Variants in FSHR observed in about 807,000 individuals in gnomAD.
FSHR encodes the protein follicle stimulating hormone receptor.
In FSHR, 46 loss-of-function variants were observed where a neutral mutation model predicts 52.1. The observed-to-expected ratio is 0.88, with a 90% CI of 0.70 to 1.13. FSHR has a LOEUF of 1.13. Ranked by LOEUF, FSHR falls within the 50% of genes most tolerant of loss-of-function variation. The pLI is 0.00. For missense variants in FSHR, 964 were observed against 834.6 expected (o/e 1.16, Z -1.91); for synonymous variants, 399 against 309.6 (o/e 1.29, Z -3.03).
chr2:49,014,732 T>C (rs1667418708), intron 4 of FSHR: 2 of 225,888 alleles, frequency 8.9e-6, no homozygotes, highest in East Asian at 1.4e-4. Context: ...ATGCTATTAT[T>C]ATCATGGGCT....
intron 1 of FSHR, among the ~76,000 whole-genome samples, chr2:49,103,467 G>T (rs1167152775): frequency 6.6e-6 from 1 of 152,090 alleles, no homozygotes; most frequent in South Asian, 2.1e-4. Flanking sequence ...TCCAAGCCAA[G>T]AACTCAGAAT....
intron 1 of FSHR, among the ~76,000 whole-genome samples, chr2:49,124,722 A>C (rs1326155444): frequency 2.0e-5 from 3 of 151,204 alleles, no homozygotes; most frequent in Non-Finnish European, 4.4e-5. Context: ...TGATCCATCA[A>C]CTCCTCTCAA....
chr2:49,146,846 T>A (rs1672889035), intron 1 of FSHR, among the ~76,000 whole-genome samples: 1 of 152,040 alleles, frequency 6.6e-6, no homozygotes, highest in Non-Finnish European at 1.5e-5. Context: ...AGGTCCCTAT[T>A]TCTTAGAAGT....
intron 1 of FSHR, among the ~76,000 whole-genome samples, chr2:49,107,345 G>T (rs994577994): frequency 6.6e-6 from 1 of 151,894 alleles, no homozygotes; most frequent in African/African-American, 2.4e-5. Flanking sequence ...CCTCAGACCT[G>T]CTTAGGCTCT....
At chr2:49,153,147 T>C (rs1673123092) in intron 1 of FSHR, among the ~76,000 whole-genome samples, 1 of 152,154 alleles carries the variant, frequency 6.6e-6, no homozygotes, top group East Asian at 1.9e-4. Flanking sequence ...TGTCCCTGAG[T>C]GAAAATCTGA....
intron 2 of FSHR, among the ~76,000 whole-genome samples, chr2:49,055,698 A>T (rs1669037773): frequency 6.6e-6 from 1 of 152,076 alleles, no homozygotes; most frequent in Admixed American, 6.6e-5. Context: ...TCCACATTGG[A>T]TGAAGAGTAG....
intron 8 of FSHR, among the ~76,000 whole-genome samples, chr2:48,977,324 A>G (rs1009962972): frequency 2.0e-5 from 3 of 152,178 alleles, no homozygotes; most frequent in Admixed American, 1.3e-4. Context: ...CTGAGCCTTG[A>G]TAGTCATGCA....
chr2:49,148,241 T>C (rs1229219531), intron 1 of FSHR, among the ~76,000 whole-genome samples: 1 of 151,982 alleles, frequency 6.6e-6, no homozygotes, highest in African/African-American at 2.4e-5. Context: ...TTTAACTCAG[T>C]AGACCTTGTT....
At chr2:49,084,349 T>A (rs1355111934) in intron 1 of FSHR, among the ~76,000 whole-genome samples, 1 of 151,150 alleles carries the variant, frequency 6.6e-6, no homozygotes, top group African/African-American at 2.4e-5. Flanking sequence ...CAAAGCAGTG[T>A]GTAGAGGGAA....
At chr2:49,005,583 A>G (rs1462145151) in intron 4 of FSHR, among the ~76,000 whole-genome samples, 1 of 152,070 alleles carries the variant, frequency 6.6e-6, no homozygotes, top group African/African-American at 2.4e-5. Flanking sequence ...GCTTAGGAGG[A>G]GGTACTGGGG....
At chr2:49,056,690 A>G (rs1669079533) in intron 2 of FSHR, among the ~76,000 whole-genome samples, 1 of 151,982 alleles carries the variant, frequency 6.6e-6, no homozygotes, top group Non-Finnish European at 1.5e-5. Flanking sequence ...TTCATCCACC[A>G]GCTGCAGGAT....
At chr2:49,144,745 G>A (rs1291690755) in intron 1 of FSHR, among the ~76,000 whole-genome samples, 5 of 152,106 alleles carry the variant, frequency 3.3e-5, no homozygotes, top group Non-Finnish European at 7.4e-5. Context: ...GCTTTGATGG[G>A]TACATGGTAG....
chr2:49,089,521 G>A (rs1384384810), intron 1 of FSHR, among the ~76,000 whole-genome samples: 1 of 152,102 alleles, frequency 6.6e-6, no homozygotes, highest in Non-Finnish European at 1.5e-5. Context: ...GAAACACAGA[G>A]ACTCTTCATT....
At chr2:48,999,379 G>C (rs565079712) in intron 4 of FSHR, among the ~76,000 whole-genome samples, 1 of 152,190 alleles carries the variant, frequency 6.6e-6, no homozygotes, top group Admixed American at 6.5e-5. Flanking sequence ...GAGAAGCACA[G>C]CTAGAGGTTG....
chr2:49,130,983 A>G (rs1420171092), intron 1 of FSHR, among the ~76,000 whole-genome samples: 1 of 152,194 alleles, frequency 6.6e-6, no homozygotes, highest in Non-Finnish European at 1.5e-5. Context: ...AAAAAAATTG[A>G]TAAATTGATT....
chr2:49,099,007 T>C (rs1168693012), intron 1 of FSHR, among the ~76,000 whole-genome samples: 1 of 151,466 alleles, frequency 6.6e-6, no homozygotes, highest in Non-Finnish European at 1.5e-5. Context: ...TTCATTTGAA[T>C]ATGGTAAGTG....
chr2:48,989,674 C>A (rs987931004), intron 5 of FSHR, among the ~76,000 whole-genome samples: 1 of 152,182 alleles, frequency 6.6e-6, no homozygotes, highest in Non-Finnish European at 1.5e-5. Flanking sequence ...CTTCTCTGTT[C>A]ATCTTAGTTG....
chr2:49,140,272 A>G (rs76818790), intron 1 of FSHR, among the ~76,000 whole-genome samples: 1 of 151,980 alleles, frequency 6.6e-6, no homozygotes, highest in African/African-American at 2.4e-5. Context: ...GAGTTCACAC[A>G]AATCTGGTCG....
intron 4 of FSHR, chr2:49,014,857 C>A (rs966162478): frequency 6.5e-6 from 3 of 462,618 alleles, no homozygotes; most frequent in African/African-American, 6.1e-5. Context: ...GATGCCTCTT[C>A]ATGTCCTAGA....
Sources: allele counts gnomAD v4.1 joint callset (sites outside exome capture counted in the v4.1 genomes callset), GRCh38; gene constraint gnomAD v4.1.1; transcripts MANE v1.5; gene names NCBI Gene and HGNC (gene_info 2026-07-23, HGNC 2026-07-21).